The following AOAH variants were observed in gnomAD, a reference collection of about 807,000 sequenced individuals.
The protein encoded by AOAH is acyloxyacyl hydrolase, also known as acyloxyacyl hydrolase (neutrophil).
Under a neutral mutation model 92.2 loss-of-function variants are expected in AOAH, and 64 were observed. The observed-to-expected ratio is 0.69, with a 90% CI of 0.57 to 0.86. AOAH has a LOEUF of 0.86. Among genes scored for constraint, AOAH ranks in the 40% least tolerant of loss-of-function variants. AOAH has a pLI of 0.00. For synonymous variants in AOAH, 263 were observed against 254.5 expected (o/e 1.03, Z -0.32); for missense variants, 656 against 694.6 (o/e 0.94, Z 0.62).
At chr7:36,654,047 A>G (rs1264504534) in intron 4 of AOAH, among the ~76,000 whole-genome samples, 1 of 150,222 alleles carries the variant, frequency 6.7e-6, no homozygotes, top group Non-Finnish European at 1.5e-5. Context: ...TGTTAGAATC[A>G]TGGTTTTGGA....
intron 19 of AOAH, among the ~76,000 whole-genome samples, chr7:36,526,666 G>T: frequency 6.6e-6 from 1 of 152,206 alleles, no homozygotes; most frequent in East Asian, 1.9e-4. Context: ...TGGAGATTTG[G>T]AGCATAATGT....
chr7:36,535,398 C>G (rs1192261084), intron 16 of AOAH, among the ~76,000 whole-genome samples: 1 of 152,160 alleles, frequency 6.6e-6, no homozygotes, highest in Non-Finnish European at 1.5e-5. Flanking sequence ...CAACAAAGAT[C>G]AGGCACATCT....
chr7:36,542,476 G>A (rs2116220170), intron 15 of AOAH, among the ~76,000 whole-genome samples: 2 of 152,324 alleles, frequency 1.3e-5, no homozygotes, highest in Middle Eastern at 6.8e-3. Context: ...CAGGGCATAA[G>A]TGATATGGGA....
intron 13 of AOAH, among the ~76,000 whole-genome samples, chr7:36,563,249 C>G (rs192208458): frequency 2.6e-4 from 38 of 147,886 alleles, no homozygotes; most frequent in Middle Eastern, 3.5e-3. Context: ...CAGTCTCCCT[C>G]AAACCTCTTT....
At position 36,719,013 on chromosome 7, in the gene AOAH, A is replaced by G. The variant is rs75277944; in HGVS notation, c.127+5009T>C. Among the ~76,000 whole-genome samples the G allele has an allele frequency of 9.7e-3, 1,471 of 152,366 alleles. 26 individuals are homozygous for G. The highest frequency in any genetic ancestry group is 0.034 in the African/African-American group (1,396 of 41,578). On this transcript the variant is annotated intron_variant, in intron 1 of 20. Transcript: ENST00000617537. Reference sequence around the variant, plus strand: ...TTACCCTGATTTAATCACATCAACAATAACATAATCATAATTAAAGCGAGG... The same window carrying G: ...TTACCCTGATTTAATCACATCAACAGTAACATAATCATAATTAAAGCGAGG...
chr7:36,611,525 G>A (rs992788531), intron 11 of AOAH, among the ~76,000 whole-genome samples: 3 of 152,170 alleles, frequency 2.0e-5, no homozygotes, highest in African/African-American at 4.8e-5. Flanking sequence ...GGATGGGGCC[G>A]GCTGCTGGGC....
At chr7:36,678,576 T>TGA (rs1796410959) in intron 2 of AOAH, among the ~76,000 whole-genome samples, 1 of 127,132 alleles carries the variant, frequency 7.9e-6, no homozygotes, top group African/African-American at 3.8e-5. Flanking sequence ...TGTGTGTGTG[T>TGA]GTGTGTGTGT....
intron 13 of AOAH, among the ~76,000 whole-genome samples, chr7:36,568,294 C>T (rs1393702900): frequency 6.6e-6 from 1 of 152,182 alleles, no homozygotes; most frequent in Non-Finnish European, 1.5e-5. Flanking sequence ...CGGGAGATAC[C>T]TTTTACAAAT....
intron 13 of AOAH, among the ~76,000 whole-genome samples, chr7:36,553,929 A>G (rs1393921934): frequency 2.0e-5 from 3 of 152,050 alleles, no homozygotes; most frequent in Non-Finnish European, 4.4e-5. Context: ...CCCATTTTGT[A>G]GGTTGCCTGT....
chr7:36,683,949 G>T (rs1796808215), intron 2 of AOAH, among the ~76,000 whole-genome samples: 1 of 151,590 alleles, frequency 6.6e-6, no homozygotes, highest in Non-Finnish European at 1.5e-5. Context: ...AGCCAAGATG[G>T]AGCCACTGCA....
intron 13 of AOAH, among the ~76,000 whole-genome samples, chr7:36,551,128 C>T (rs1583795265): frequency 6.9e-6 from 1 of 145,084 alleles, no homozygotes; most frequent in Non-Finnish European, 1.5e-5. Context: ...GGCTGGAGTG[C>T]AGTGGTGCGA....
intron 2 of AOAH, among the ~76,000 whole-genome samples, chr7:36,680,953 A>T (rs569989568): frequency 2.0e-5 from 3 of 152,206 alleles, no homozygotes; most frequent in Non-Finnish European, 1.5e-5. Flanking sequence ...AGAAGCTAAG[A>T]TGGTACCTTG....
At chr7:36,557,471 G>C (rs1207424090) in intron 13 of AOAH, among the ~76,000 whole-genome samples, 1 of 151,934 alleles carries the variant, frequency 6.6e-6, no homozygotes, top group Admixed American at 6.6e-5. Flanking sequence ...TCTTGGAGTT[G>C]CTCTTCTCGA....
chr7:36,700,012 C>T (rs1797938549), intron 1 of AOAH, among the ~76,000 whole-genome samples: 1 of 151,866 alleles, frequency 6.6e-6, no homozygotes, highest in Non-Finnish European at 1.5e-5. Context: ...TTCTTATGCA[C>T]GTGGCTATCC....
At chr7:36,590,900 C>T (rs2727799) in intron 12 of AOAH, among the ~76,000 whole-genome samples, 88,450 of 152,078 alleles carry the variant, frequency 0.58, 25,962 homozygotes, top group African/African-American at 0.66. Context: ...TTATAACTTT[C>T]TATTCCTTTA....
intron 2 of AOAH, among the ~76,000 whole-genome samples, chr7:36,685,472 A>C (rs1796941096): frequency 6.6e-6 from 1 of 152,234 alleles, no homozygotes; most frequent in African/African-American, 2.4e-5. Flanking sequence ...TTCATCTTTC[A>C]GTAACGGATG....
At chr7:36,686,870 G>C in intron 1 of AOAH, 76 bp from the exon 2 acceptor site, 4 of 801,940 alleles carry the variant, frequency 5.0e-6, no homozygotes, top group Non-Finnish European at 7.0e-6. Context: ...AAGAAAGGAT[G>C]CGTGTGTGTG....
intron 15 of AOAH, among the ~76,000 whole-genome samples, chr7:36,543,454 C>CTT (rs142008904): frequency 1.3e-5 from 2 of 150,252 alleles, no homozygotes; most frequent in African/African-American, 4.9e-5. Flanking sequence ...CCTTGCCACA[C>CTT]TTTTTTTTTT....
chr7:36,545,280 G>T (rs1785730154), intron 15 of AOAH, among the ~76,000 whole-genome samples: 1 of 152,166 alleles, frequency 6.6e-6, no homozygotes, highest in African/African-American at 2.4e-5. Flanking sequence ...TTAAAAGTGG[G>T]TGTGGCCTGG....
Sources: allele counts gnomAD v4.1 joint callset (sites outside exome capture counted in the v4.1 genomes callset), GRCh38; gene constraint gnomAD v4.1.1; transcripts MANE v1.5; gene names NCBI Gene and HGNC (gene_info 2026-07-23, HGNC 2026-07-21).